Variants in FBN3 observed in about 807,000 individuals in gnomAD.
FBN3 encodes fibrillin-3.
FBN3 carries 234 observed loss-of-function variants against 330.1 expected under a neutral mutation model. The ratio of observed to expected loss-of-function variants is 0.71; its 90% CI spans 0.64 to 0.79. FBN3 has a LOEUF of 0.79. Ranked by LOEUF, FBN3 falls within the 30% of genes least tolerant of loss-of-function variation. The probability of loss-of-function intolerance (pLI) is 0.00; values close to 1 mark genes in which losing one functional copy is unlikely to be tolerated. For missense variants in FBN3, 3,606 were observed against 3,886.9 expected (o/e 0.93, Z 1.92); for synonymous variants, 1,458 against 1,517.3 (o/e 0.96, Z 0.91).
In FBN3 at chr19:8,096,839, C is replaced by T; in HGVS notation, c.5413+42G>A. ...ACCCCATCTAAGTCCCCATGGGTGA[C>T]AGAGCCCAGCTCCCTCACCTCCTCC... is the stretch of plus-strand genomic sequence containing the variant. On this transcript the variant is annotated intron_variant, in intron 43 of 63. Transcript: ENST00000600128. The surrounding 1 kb of genome is among the most constrained non-coding windows in gnomAD (Gnocchi z 4.6). 6.2e-7 allele frequency: 1 copy of T among 1,602,982 alleles called. No homozygotes were observed. The highest frequency in any genetic ancestry group is 8.5e-7 in the Non-Finnish European group (1 of 1,176,188).
At position 8,085,454 on chromosome 19, in the gene FBN3, C is replaced by G; in HGVS notation, c.6996G>C (p.Trp2332Cys). 6.3e-7 allele frequency: 1 copy of G among 1,575,348 alleles called. No homozygotes were observed. Among genetic ancestry groups the G allele is most frequent in the African/African-American group, 1.3e-5 (1 of 74,216 alleles). The change falls in exon 56 of 64, where the codon TGG (tryptophan) becomes TGC (cysteine). Residue 2332 changes from tryptophan to cysteine, a missense_variant. Physicochemically the swap from Trp to Cys is radical, Grantham distance 215. Coordinates refer to ENST00000600128, the MANE Select transcript of FBN3 (RefSeq NM_032447.5). ...AECCCGGGRG[W>C]GPRCELCPLP... ...GGGGACAGAGCTCGCAGCGGGGCCCCCAGCCCCGGCCACCCCCACAGCAGC... is the reference window on the plus strand; with the variant it reads ...GGGGACAGAGCTCGCAGCGGGGCCCGCAGCCCCGGCCACCCCCACAGCAGC...
rs1041322613 is a variant in FBN3 at position 8,100,905 on chromosome 19, G to C, written c.5157C>G (p.Pro1719=). The change falls in exon 41 of 64, where the codon CCC becomes CCG. Residue 1719 remains proline (P), a synonymous_variant. Transcript: ENST00000600128. ...GFLTDIHTGK[P]LDIDECGEIP... is the part of the protein sequence containing the mutation. The stretch of plus-strand genomic sequence containing the variant: ...GAGCAGGGACCACTCACTCACCAAG[G>C]GGCTTCCCCGTGTGGATGTCAGTGA... 3.1e-6 allele frequency: 5 copies of C among 1,613,488 alleles called. No homozygotes were observed. Among genetic ancestry groups the C allele is most frequent in the Non-Finnish European group, 2.5e-6 (3 of 1,179,698 alleles).
rs1420116562 is a variant in FBN3 at position 8,089,593 on chromosome 19, C to T, written c.6328G>A (p.Glu2110Lys). Residue 2110 changes from glutamate to lysine, a missense_variant, in exon 51 of 64, where the codon GAG becomes AAG. Physicochemically the swap from Glu to Lys is moderately conservative, Grantham distance 56 (BLOSUM62 1). Transcript: ENST00000600128. Reference sequence around the variant, plus strand: ...TCCAGGCTGTAGCCAAAGGGACACTCACAGCGGAAGGATCCATCGGTGTTG... The same window carrying T: ...TCCAGGCTGTAGCCAAAGGGACACTTACAGCGGAAGGATCCATCGGTGTTG... The part of the protein sequence containing the change: ...CVNTDGSFRC[E>K]CPFGYSLDFT... 14 of 1,614,084 alleles carry T rather than the reference C, an allele frequency of 8.7e-6. No individual in the cohort carries two copies. Among genetic ancestry groups the T allele is most frequent in the Non-Finnish European group, 1.2e-5 (14 of 1,180,036 alleles).
intron 47 of FBN3, among the ~76,000 whole-genome samples, chr19:8,093,792 A>AAAAC (rs2082151584): frequency 8.0e-6 from 1 of 125,200 alleles, no homozygotes; most frequent in Non-Finnish European, 1.8e-5. Flanking sequence ...CAAACAAAAC[A>AAAAC]AAACAACAAC....
chr19:8,116,010 G>T (rs754946372), intron 29 of FBN3, among the ~76,000 whole-genome samples: 13 of 152,212 alleles, frequency 8.5e-5, no homozygotes, highest in Non-Finnish European at 1.5e-4. Flanking sequence ...TGCAACAGGG[G>T]CATGGAGCAG....
At chr19:8,140,356 G>A (rs1003799833) in intron 8 of FBN3, among the ~76,000 whole-genome samples, 1 of 152,048 alleles carries the variant, frequency 6.6e-6, no homozygotes, top group Non-Finnish European at 1.5e-5. Flanking sequence ...CCCAGCTACT[G>A]GGGAGGCTGA....
Position 8,081,376 on chromosome 19 carries a change from C to A in FBN3, c.7318G>T (p.Asp2440Tyr). 6.2e-7 allele frequency: 1 copy of A among 1,607,146 alleles called. No homozygotes were observed. Among genetic ancestry groups the A allele is most frequent in the Non-Finnish European group, 8.5e-7 (1 of 1,176,818 alleles). ...ACATCACCTTTGCAGGTCCTGCCAT[C>A]CTCCTCCAGCAGGTAGCCTCGGGGA... Reference protein sequence around the residue: ...SCPRGYLLEEDGRTCKDLDEC... With the variant: ...SCPRGYLLEEYGRTCKDLDEC... Residue 2440 changes from aspartate to tyrosine, a missense_variant, in exon 58 of 64, where the codon GAT becomes TAT. Physicochemically the swap from Asp to Tyr is radical, Grantham distance 160. Coordinates refer to ENST00000600128, the MANE Select transcript of FBN3 (RefSeq NM_032447.5).
At chr19:8,105,759 G>A (rs747840445) in intron 38 of FBN3, among the ~76,000 whole-genome samples, 2 of 152,124 alleles carry the variant, frequency 1.3e-5, no homozygotes, top group Non-Finnish European at 2.9e-5. Flanking sequence ...AGCAACTATT[G>A]AGCTGGCAAA....
At chr19:8,148,644 C>G (rs922734380) in intron 1 of FBN3, 1 of 152,332 alleles carries the variant, frequency 6.6e-6, no homozygotes, top group African/African-American at 2.4e-5. Flanking sequence ...AAGTGGCCTT[C>G]CTGTTCCATT....
intron 63 of FBN3, among the ~76,000 whole-genome samples, chr19:8,069,347 G>A (rs966314806): frequency 9.2e-5 from 14 of 152,194 alleles, no homozygotes; most frequent in African/African-American, 2.7e-4. Flanking sequence ...GCTGGGTGAC[G>A]TATCCAACCC....
intron 30 of FBN3, 133 bp downstream of exon 30, chr19:8,115,382 A>G: frequency 8.3e-7 from 1 of 1,207,792 alleles, no homozygotes; most frequent in Non-Finnish European, 1.1e-6. Flanking sequence ...GCTTTAACAC[A>G]AGAAGCCATC....
At chr19:8,112,575 G>A (rs770791817) in intron 30 of FBN3, among the ~76,000 whole-genome samples, 1 of 152,308 alleles carries the variant, frequency 6.6e-6, no homozygotes, top group African/African-American at 2.4e-5. Context: ...GCGTGAACCC[G>A]AGAGGCGGAG....
intron 55 of FBN3, 87 bp downstream of exon 55, chr19:8,086,113 T>TGGGGGGAACAGGCAGTGG (rs1355206780): frequency 1.5e-6 from 1 of 650,358 alleles, no homozygotes; most frequent in African/African-American, 6.4e-5. Flanking sequence ...GGGCAGGCAG[T>TGGGGGGAACAGGCAGTGG]GGGGGGAACA....
In FBN3 at chr19:8,110,671, G is replaced by T. The variant is rs575008165; in HGVS notation, c.4333+174C>A. Among the ~76,000 whole-genome samples the T allele has an allele frequency of 4.6e-4, 70 of 152,308 alleles. 1 individual carries two copies. Among genetic ancestry groups the T allele is most frequent in the African/African-American group, 1.6e-3 (67 of 41,570 alleles). ...CTTCAATCACAGAACTTATTTAGCA[G>T]GCGAACAGGAACGGGAAATGATGGG... On this transcript the variant is annotated intron_variant, in intron 34 of 63. Transcript: ENST00000600128.
chr19:8,078,974 T>G (rs1484392873), intron 59 of FBN3, among the ~76,000 whole-genome samples: 1 of 151,758 alleles, frequency 6.6e-6, no homozygotes, highest in Non-Finnish European at 1.5e-5. Flanking sequence ...AGAGATGGAG[T>G]CTTGCCATGT....
intron 10 of FBN3, 45 bp from the exon 11 acceptor site, chr19:8,136,576 G>T: frequency 6.2e-7 from 1 of 1,607,406 alleles, no homozygotes; most frequent in Non-Finnish European, 8.5e-7. Flanking sequence ...GGCTGGCCCC[G>T]CCCCAGTCTG....
At chr19:8,105,395 TTACAG>T (rs2082417845) in intron 38 of FBN3, among the ~76,000 whole-genome samples, 3 of 151,944 alleles carry the variant, frequency 2.0e-5, no homozygotes, top group African/African-American at 7.3e-5. Context: ...GTAGCTGGGA[TTACAG>T]GCGTGAGTCA....
intron 55 of FBN3, among the ~76,000 whole-genome samples, chr19:8,085,822 C>T (rs2081931063): frequency 6.6e-6 from 1 of 151,792 alleles, no homozygotes. Flanking sequence ...AGGGAGCGTC[C>T]CGCTCTTCCA....
chr19:8,092,042 G>A (rs1176975993), intron 47 of FBN3, among the ~76,000 whole-genome samples: 2 of 152,180 alleles, frequency 1.3e-5, no homozygotes, highest in East Asian at 3.9e-4. Context: ...GCCGGGTGTG[G>A]TGGTGGGCGC....
Sources: allele counts gnomAD v4.1 joint callset (sites outside exome capture counted in the v4.1 genomes callset), GRCh38; gene constraint gnomAD v4.1.1; non-coding constraint Gnocchi (gnomAD v3.1); transcripts MANE v1.5; gene names NCBI Gene and HGNC (gene_info 2026-07-23, HGNC 2026-07-21).